The following ANK2 variants were observed in gnomAD, a reference collection of about 807,000 sequenced individuals.
ANK2 encodes ankyrin 2, also known as ankyrin-2.
A neutral mutation model predicts 360.5 loss-of-function variants in ANK2; 83 were observed. That is an observed-to-expected ratio of 0.23 (90% CI 0.19 to 0.28). The LOEUF is 0.28. Among genes scored for constraint, ANK2 ranks in the 10% least tolerant of loss-of-function variants. ANK2 has a pLI of 1.00. For synonymous variants in ANK2, 1,740 were observed against 1,759.5 expected (o/e 0.99, Z 0.28); for missense variants, 4,201 against 4,795.7 (o/e 0.88, Z 3.66).
At chr4:113,103,993 C>CA (rs1266991870) in intron 1 of ANK2, among the ~76,000 whole-genome samples, 4 of 152,122 alleles carry the variant, frequency 2.6e-5, no homozygotes, top group African/African-American at 7.2e-5. Context: ...CTGACTTAGG[C>CA]AGTATTTTTT....
chr4:112,864,650 G>T (rs1363282102), intron 1 of ANK2, among the ~76,000 whole-genome samples: 1 of 151,986 alleles, frequency 6.6e-6, no homozygotes, highest in Non-Finnish European at 1.5e-5. Flanking sequence ...CGTTTACTTG[G>T]TCAAAGGTGA....
intron 1 of ANK2, among the ~76,000 whole-genome samples, chr4:112,837,379 G>T (rs192130456): frequency 6.6e-6 from 1 of 152,354 alleles, no homozygotes; most frequent in Admixed American, 6.5e-5. Context: ...GCAGCTGCAG[G>T]GATGGAGCCC....
chr4:113,257,778 C>A (rs1291496657), intron 11 of ANK2, among the ~76,000 whole-genome samples: 1 of 152,138 alleles, frequency 6.6e-6, no homozygotes, highest in Non-Finnish European at 1.5e-5. Flanking sequence ...GTTTTTCTTT[C>A]TTTAAAGAGA....
intron 1 of ANK2, among the ~76,000 whole-genome samples, chr4:113,154,572 T>C (rs2154398150): frequency 6.6e-6 from 1 of 152,338 alleles, no homozygotes; most frequent in Admixed American, 6.5e-5. Flanking sequence ...GTTCTTAATA[T>C]ATCGACTAAT....
intron 2 of ANK2, among the ~76,000 whole-genome samples, chr4:112,963,064 T>C (rs549300101): frequency 6.6e-6 from 1 of 152,298 alleles, no homozygotes; most frequent in South Asian, 2.1e-4. Flanking sequence ...AATATTTAAA[T>C]AGATGGTGAC....
intron 26 of ANK2, among the ~76,000 whole-genome samples, chr4:113,327,034 T>C (rs947425579): frequency 9.2e-5 from 14 of 152,298 alleles, no homozygotes; most frequent in African/African-American, 2.6e-4. Context: ...TTCTCTGAAT[T>C]ATGCATACTG....
At chr4:113,107,999 T>C (rs796127781) in intron 1 of ANK2, among the ~76,000 whole-genome samples, 9 of 152,326 alleles carry the variant, frequency 5.9e-5, no homozygotes, top group African/African-American at 2.2e-4. Flanking sequence ...AACTGATATA[T>C]GCGTAGTTTA....
In ANK2 at chr4:113,288,321, G is replaced by T. The variant is rs1386577396; in HGVS notation, c.2179-67G>T. ...ACTCTACCCAGTCCTTCTCCTCTGG[G>T]GTATTAACCACTAGAGTAGTAAAGT... On this transcript the variant is annotated intron_variant, in intron 19 of 45. Transcript: ENST00000357077. 8 of 1,281,160 alleles carry T rather than the reference G, an allele frequency of 6.2e-6. No individual in the cohort carries two copies. In the African/African-American group the frequency reaches 1.0e-4, roughly 17 times the overall value. The allele number at this position is 1,281,160 out of a possible 1,614,324, so 79.4% of individuals were successfully genotyped here.
At chr4:113,331,641 G>T (rs13126750) in intron 27 of ANK2, among the ~76,000 whole-genome samples, 5,393 of 152,278 alleles carry the variant, frequency 0.035, 150 homozygotes, top group Non-Finnish European at 0.059. Context: ...AAAACATCTG[G>T]CCTCTGTACA....
At chr4:113,313,323 A>G (rs1358219878) in intron 24 of ANK2, among the ~76,000 whole-genome samples, 1 of 152,244 alleles carries the variant, frequency 6.6e-6, no homozygotes, top group Admixed American at 6.5e-5. Flanking sequence ...ATTAAGAATA[A>G]GTACTTGATT....
At chr4:113,160,604 T>A (rs994262302) in intron 1 of ANK2, among the ~76,000 whole-genome samples, 1 of 150,280 alleles carries the variant, frequency 6.7e-6, no homozygotes, top group African/African-American at 2.5e-5. Flanking sequence ...TATATTGTTT[T>A]TCCCTTATAT....
In ANK2 at chr4:113,350,231, G is replaced by T; in HGVS notation, c.4408G>T (p.Asp1470Tyr). The change falls in exon 37 of 46, where the codon GAT becomes TAT. Residue 1470 changes from aspartate (D) to tyrosine (Y), a missense_variant. Transcript: ENST00000357077. ...ATTTATGTATGTTTTCTTTCAGATC[G>T]ATATGACATCAGAAAAAAGTAAGAA... ...ESDQEQEEEI[D>Y]MTSEKNDETE... 3 of 1,607,426 alleles carry T rather than the reference G, an allele frequency of 1.9e-6. No individual in the cohort carries two copies. The highest frequency in any genetic ancestry group is 2.2e-5 in the South Asian group (2 of 90,646).
In ANK2 at chr4:113,336,753, A is replaced by G; in HGVS notation, c.3768A>G (p.Pro1256=). The part of the protein sequence containing the change: ...VMLNGFGGDA[P]TLRLLCSITG... ...TGAATGGTTTTGGGGGAGATGCACC[A>G]ACCTTAAGATTACTATGCAGCATAA... Residue 1256 remains proline, a synonymous_variant, in exon 31 of 46, where the codon CCA becomes CCG. Transcript: ENST00000357077. 1 of 1,614,158 alleles carries G rather than the reference A, an allele frequency of 6.2e-7. No homozygotes were observed. The highest frequency in any genetic ancestry group is 8.5e-7 in the Non-Finnish European group (1 of 1,179,996).
chr4:113,292,448 G>A lies in ANK2; in HGVS notation c.2310G>A (p.Gln770=), dbSNP rs756398380. ...NGYTPLHQAA[Q]QGHTHIINVL... The stretch of plus-strand genomic sequence containing the variant: ...ACACGCCTTTGCACCAGGCCGCTCA[G>A]CAGGGTCACACGCACATCATCAACG... The change falls in exon 21 of 46, where the codon CAG becomes CAA. Residue 770 remains glutamine, a synonymous_variant. Coordinates refer to ENST00000357077, the MANE Select transcript of ANK2 (RefSeq NM_001148.6). 3 of 1,611,478 alleles carry A rather than the reference G, an allele frequency of 1.9e-6. No homozygotes were observed. In the East Asian group the frequency reaches 6.7e-5, roughly 36 times the overall value.
intron 1 of ANK2, among the ~76,000 whole-genome samples, chr4:113,136,448 C>A (rs1339971175): frequency 6.6e-6 from 1 of 152,148 alleles, no homozygotes; most frequent in Non-Finnish European, 1.5e-5. Flanking sequence ...GTAATCCCAG[C>A]ACTTGGGAGG....
chr4:113,082,512 A>G (rs533651833), intron 1 of ANK2, among the ~76,000 whole-genome samples: 17 of 152,308 alleles, frequency 1.1e-4, no homozygotes, highest in African/African-American at 3.8e-4. Context: ...TAATTTATTT[A>G]ATAATTAGTT....
chr4:112,892,743 A>C (rs561983490), intron 1 of ANK2, among the ~76,000 whole-genome samples: 1 of 152,330 alleles, frequency 6.6e-6, no homozygotes, highest in Admixed American at 6.5e-5. Flanking sequence ...ATGCATGCTA[A>C]GGGTATTGAA....
chr4:112,983,267 T>C (rs2043694496), intron 2 of ANK2, among the ~76,000 whole-genome samples: 1 of 152,156 alleles, frequency 6.6e-6, no homozygotes, highest in South Asian at 2.1e-4. Context: ...TTCATATGTA[T>C]GTTATAAAAT....
chr4:113,306,937 AC>A (rs1292329244), intron 23 of ANK2, among the ~76,000 whole-genome samples: 2 of 152,346 alleles, frequency 1.3e-5, no homozygotes, highest in Admixed American at 1.3e-4. Flanking sequence ...TCCAGATTTA[AC>A]CAAAGATGTG....
Sources: allele counts gnomAD v4.1 joint callset (sites outside exome capture counted in the v4.1 genomes callset), GRCh38; gene constraint gnomAD v4.1.1; transcripts MANE v1.5; gene names NCBI Gene and HGNC (gene_info 2026-07-23, HGNC 2026-07-21).